PAM: variants seen among roughly 807,000 people sequenced by gnomAD.
The protein encoded by PAM is peptidyl-glycine alpha-amidating monooxygenase.
A neutral mutation model predicts 122.1 loss-of-function variants in PAM; 72 were observed. The observed-to-expected ratio is 0.59, with a 90% confidence interval of 0.49 to 0.72. PAM has a LOEUF of 0.72. Among genes scored for constraint, PAM ranks in the 30% least tolerant of loss-of-function variants. The probability of loss-of-function intolerance (pLI) is 0.00; values close to 1 mark genes in which losing one functional copy is unlikely to be tolerated. For synonymous variants in PAM, 389 were observed against 404.4 expected (o/e 0.96, Z 0.46); for missense variants, 1,106 against 1,183.7 (o/e 0.93, Z 0.96).
intron 15 of PAM, among the ~76,000 whole-genome samples, chr5:102,975,651 G>C (rs542617508): frequency 6.6e-6 from 1 of 152,262 alleles, no homozygotes; most frequent in East Asian, 1.9e-4. Flanking sequence ...TGAGTATGAT[G>C]CCTAGAAATT....
chr5:102,960,415 T>C (rs1222068310), intron 13 of PAM, among the ~76,000 whole-genome samples: 1 of 152,062 alleles, frequency 6.6e-6, no homozygotes, highest in Non-Finnish European at 1.5e-5. Context: ...TGCACCATGT[T>C]CTAAAGATCA....
chr5:102,949,806 T>C, intron 10 of PAM, 96 bp from the exon 11 acceptor site: 1 of 738,134 alleles, frequency 1.4e-6, no homozygotes. Flanking sequence ...GCTCTGAAAA[T>C]ACTCAGATTT....
chr5:102,944,111 C>G (rs1007356619), intron 7 of PAM, among the ~76,000 whole-genome samples: 2 of 152,154 alleles, frequency 1.3e-5, no homozygotes, highest in Admixed American at 6.6e-5. Context: ...TGTAAATGTC[C>G]TCAACATTAC....
intron 16 of PAM, among the ~76,000 whole-genome samples, chr5:103,001,138 C>T (rs1777256687): frequency 6.6e-6 from 1 of 152,038 alleles, no homozygotes; most frequent in Admixed American, 6.6e-5. Context: ...ACTTGTTAGT[C>T]ATTATTATAG....
chr5:102,924,871 C>G lies in PAM; in HGVS notation c.357-86C>G. On this transcript the variant is annotated intron_variant, in intron 5 of 25. Transcript: ENST00000438793. ...ATTGATGTACTTTGGTTTCAAATAC[C>G]TTCCCCCATCACCTCCCACCATGGG... The G allele has an allele frequency of 1.6e-5, 12 of 755,452 alleles. No homozygotes were observed. The South Asian group carries it at 1.8e-4, about 11-fold the overall frequency. 46.8% of individuals were successfully genotyped at this position (755,452 alleles called of 1,614,324 possible). A position where few individuals can be genotyped will look rare whatever the true frequency, so the allele number is the denominator to read the frequency against.
rs567358004 is a variant in PAM, at chr5:102,940,509, T to TATATATATCAGAGGTAAGAAAGTG, written c.527-6299_527-6276dup. ...GCTATATATATATATCAGCTATATATATATATATCAGAGGTAAGAAAGTGA... is the reference window on the plus strand; with the variant it reads ...GCTATATATATATATCAGCTATATATATATATATCAGAGGTAAGAAAGTGATATATATCAGAGGTAAGAAAGTGA... On this transcript the variant is annotated intron_variant, in intron 7 of 25. Coordinates refer to ENST00000438793, the MANE Select transcript of PAM (RefSeq NM_001177306.2). 3.9e-3 allele frequency among the ~76,000 whole-genome samples: 585 copies of TATATATATCAGAGGTAAGAAAGTG among 149,280 alleles called. 4 individuals are homozygous for TATATATATCAGAGGTAAGAAAGTG. Among genetic ancestry groups the TATATATATCAGAGGTAAGAAAGTG allele is most frequent in the African/African-American group, 0.014 (565 of 40,862 alleles).
At chr5:102,775,143 A>G (rs1418407133) in intron 1 of PAM, among the ~76,000 whole-genome samples, 1 of 151,978 alleles carries the variant, frequency 6.6e-6, no homozygotes, top group Non-Finnish European at 1.5e-5. Flanking sequence ...TTCCTTCCCT[A>G]TTGATTTAAA....
intron 1 of PAM, among the ~76,000 whole-genome samples, chr5:102,829,210 C>T (rs910434419): frequency 7.2e-5 from 11 of 151,874 alleles, no homozygotes; most frequent in South Asian, 6.3e-4. Flanking sequence ...GAAAGTCATA[C>T]GTACAAAATG....
At chr5:102,989,785 G>A (rs1773403838) in intron 15 of PAM, 1 of 100,702 alleles carries the variant, frequency 9.9e-6, no homozygotes, top group South Asian at 3.2e-4. Flanking sequence ...ATTTACTCAG[G>A]AGATGATAGA....
chr5:102,849,388 C>T (rs1259945155), intron 1 of PAM, among the ~76,000 whole-genome samples: 1 of 151,864 alleles, frequency 6.6e-6, no homozygotes, highest in East Asian at 1.9e-4. Context: ...GAAACCCTGT[C>T]TCTACTAAAA....
At chr5:102,992,988 T>C (rs1325266377) in intron 16 of PAM, among the ~76,000 whole-genome samples, 1 of 152,154 alleles carries the variant, frequency 6.6e-6, no homozygotes, top group Non-Finnish European at 1.5e-5. Context: ...TTGCATCAGC[T>C]GTCTTTATAA....
At chr5:102,943,590 A>C (rs1444625660) in intron 7 of PAM, among the ~76,000 whole-genome samples, 8 of 152,146 alleles carry the variant, frequency 5.3e-5, no homozygotes, top group Non-Finnish European at 1.5e-5. Flanking sequence ...GCATTTATTA[A>C]ACATTAATAT....
chr5:102,803,923 A>G (rs1393043671), intron 1 of PAM, among the ~76,000 whole-genome samples: 3 of 152,192 alleles, frequency 2.0e-5, no homozygotes, highest in Admixed American at 6.5e-5. Context: ...GCAGTTCTCA[A>G]GGTTAAGAAC....
At chr5:102,859,323 T>C (rs1020700352) in intron 1 of PAM, among the ~76,000 whole-genome samples, 1 of 149,048 alleles carries the variant, frequency 6.7e-6, no homozygotes, top group African/African-American at 2.5e-5. Flanking sequence ...TGATCTTGTA[T>C]AGGCCCAGGC....
intron 3 of PAM, among the ~76,000 whole-genome samples, chr5:102,895,258 A>C (rs932561691): frequency 2.0e-5 from 3 of 151,816 alleles, no homozygotes; most frequent in Admixed American, 6.6e-5. Context: ...CTGAATTATT[A>C]GCTTTTGTAG....
chr5:102,874,706 T>C (rs555395081), intron 3 of PAM, among the ~76,000 whole-genome samples: 22 of 152,290 alleles, frequency 1.4e-4, no homozygotes, highest in African/African-American at 4.8e-4. Flanking sequence ...GATCACCTAT[T>C]TTCTCAATAA....
intron 5 of PAM, among the ~76,000 whole-genome samples, chr5:102,919,967 A>G (rs1388103839): frequency 6.6e-6 from 1 of 152,124 alleles, no homozygotes; most frequent in African/African-American, 2.4e-5. Flanking sequence ...AACAGAAACA[A>G]ATGCATTTTT....
intron 15 of PAM, among the ~76,000 whole-genome samples, chr5:102,983,602 G>C (rs1582533703): frequency 6.6e-6 from 1 of 151,930 alleles, no homozygotes; most frequent in South Asian, 2.1e-4. Context: ...GATGGGCAAA[G>C]GCATAGAAAA....
intron 1 of PAM, among the ~76,000 whole-genome samples, chr5:102,829,595 C>T (rs1309214898): frequency 2.0e-5 from 3 of 152,046 alleles, no homozygotes; most frequent in Non-Finnish European, 2.9e-5. Flanking sequence ...AGGATGGTCT[C>T]GATCTCCTGA....
Sources: gnomAD v4.1 joint callset for allele counts (sites outside exome capture counted in the v4.1 genomes callset) on GRCh38, gnomAD v4.1.1 for gene constraint, MANE v1.5 for transcripts, NCBI Gene and HGNC (gene_info 2026-07-23, HGNC 2026-07-21) for gene names.